Variants in SS18 observed in about 807,000 individuals in gnomAD.
SS18 encodes protein SSXT.
Under a neutral mutation model 72.5 loss-of-function variants are expected in SS18, and 28 were observed. The ratio of observed to expected loss-of-function variants is 0.39; its 90% CI spans 0.29 to 0.53. The LOEUF (loss-of-function observed/expected upper bound fraction) is 0.53. Among genes scored for constraint, SS18 ranks in the 20% least tolerant of loss-of-function variants. The probability of loss-of-function intolerance (pLI) is 0.76; values close to 1 mark genes in which losing one functional copy is unlikely to be tolerated. For synonymous variants in SS18, 172 were observed against 164.2 expected (o/e 1.05, Z -0.37); for missense variants, 518 against 535.3 (o/e 0.97, Z 0.32).
chr18:26,027,670 C>CCAAA (rs2053471348), intron 10 of SS18, among the ~76,000 whole-genome samples: 1 of 31,634 alleles, frequency 3.2e-5, no homozygotes, highest in African/African-American at 1.7e-4. Context: ...CGAGACTCAT[C>CCAAA]TAAAAAAAAA....
chr18:26,083,006 CT>C (rs2054553675), intron 2 of SS18, among the ~76,000 whole-genome samples: 1 of 152,082 alleles, frequency 6.6e-6, no homozygotes, highest in Non-Finnish European at 1.5e-5. Flanking sequence ...TTTGCTTCTC[CT>C]ACAATGAGAA....
At chr18:26,060,934 A>G (rs1219356511) in intron 3 of SS18, among the ~76,000 whole-genome samples, 1 of 142,334 alleles carries the variant, frequency 7.0e-6, no homozygotes, top group Non-Finnish European at 1.5e-5. Flanking sequence ...CCAGCCTGGG[A>G]GACAGAGCAA....
intron 10 of SS18, 34 bp downstream of exon 10, chr18:26,032,365 A>T: frequency 6.2e-7 from 1 of 1,606,434 alleles, no homozygotes; most frequent in Non-Finnish European, 8.5e-7. Flanking sequence ...TGAAGAAACA[A>T]TGTGGCAATT....
At chr18:26,039,545 C>A (rs1160184741) in intron 5 of SS18, 89 bp from the exon 6 acceptor site, 2 of 1,187,154 alleles carry the variant, frequency 1.7e-6, no homozygotes, top group Admixed American at 2.4e-5. Flanking sequence ...ATCATATAGT[C>A]CCAAAAATAT....
intron 3 of SS18, among the ~76,000 whole-genome samples, chr18:26,059,358 T>C (rs1036793384): frequency 2.0e-5 from 3 of 151,994 alleles, no homozygotes; most frequent in African/African-American, 7.3e-5. Flanking sequence ...TGCAGTCCAA[T>C]TGGACTAAGG....
Position 26,035,994 on chromosome 18 carries a change from A to G in SS18, c.881-71T>C. ...GAGTGAAAACCCTAAAAATATTTAA[A>G]CTTTCAGATAAAATTGAAAAAAAAG... On this transcript the variant is annotated intron_variant, in intron 7 of 10. Coordinates refer to ENST00000415083, the MANE Select transcript of SS18 (RefSeq NM_001007559.3). The surrounding 1 kb of genome is among the most constrained non-coding windows in gnomAD (Gnocchi z 4.4). The G allele has an allele frequency of 1.1e-6, 1 of 928,964 alleles. No homozygotes were observed. The highest frequency in any genetic ancestry group is 1.6e-6 in the Non-Finnish European group (1 of 613,114). The allele number at this position is 928,964 out of a possible 1,614,324, so 57.5% of individuals were successfully genotyped here. A position where few individuals can be genotyped will look rare whatever the true frequency, so the allele number is the denominator to read the frequency against.
chr18:26,087,578 C>A lies in SS18; in HGVS notation c.70-1G>T. ...TAAGATGGTTATTGTCATCCAACAT[C>A]TGAAACAGAATTAGAAAAGGTTTAG... On this transcript the variant is annotated splice_acceptor_variant, in intron 1 of 10. Coordinates refer to ENST00000415083, the MANE Select transcript of SS18 (RefSeq NM_001007559.3). LOFTEE classifies it high-confidence loss of function. The A allele has an allele frequency of 6.4e-7, 1 of 1,555,576 alleles. No individual in the cohort carries two copies. The highest frequency in any genetic ancestry group is 8.8e-7 in the Non-Finnish European group (1 of 1,138,030).
upstream of SS18, chr18:26,090,807 C>T: frequency 1.7e-6 from 1 of 580,016 alleles, no homozygotes; most frequent in Non-Finnish European, 3.1e-6. Context: ...ACCGTCCCTG[C>T]ATCCCCCGAG....
intron 10 of SS18, among the ~76,000 whole-genome samples, chr18:26,024,865 G>A (rs1321412402): frequency 1.3e-5 from 2 of 152,006 alleles, no homozygotes; most frequent in Non-Finnish European, 2.9e-5. Flanking sequence ...GGCAGCAATT[G>A]GCAGGCTGGA....
chr18:26,065,800 C>CATATATATATATATATATATATAT (rs58222135), intron 3 of SS18, among the ~76,000 whole-genome samples: 661 of 55,452 alleles, frequency 0.012, 131 homozygotes, highest in Non-Finnish European at 0.02. Context: ...CCTACAAATC[C>CATATATATATATATATATATATAT]ATATATATAT....
At chr18:26,078,044 T>C in intron 3 of SS18, 32 bp downstream of exon 3, 3 of 1,503,738 alleles carry the variant, frequency 2.0e-6, no homozygotes, top group Non-Finnish European at 2.8e-6. Flanking sequence ...CTATAAAGAT[T>C]GTCTACTTCA....
At chr18:26,087,695 G>C in intron 1 of SS18, 118 bp from the exon 2 acceptor site, 1 of 580,116 alleles carries the variant, frequency 1.7e-6, no homozygotes, top group Non-Finnish European at 3.1e-6. Flanking sequence ...ACTCTAAAGC[G>C]TATCCCTTAA....
intron 5 of SS18, among the ~76,000 whole-genome samples, chr18:26,042,091 AG>A (rs2053738733): frequency 6.6e-6 from 1 of 152,208 alleles, no homozygotes; most frequent in Non-Finnish European, 1.5e-5. Context: ...CTGATTGTTT[AG>A]GAAGTATATT....
chr18:26,024,274 T>C (rs1376643649), intron 10 of SS18, among the ~76,000 whole-genome samples: 2 of 152,198 alleles, frequency 1.3e-5, no homozygotes, highest in East Asian at 3.8e-4. Context: ...TGCTAATAGG[T>C]ATACAGTTTA....
chr18:26,053,319 C>G (rs1197860623), intron 4 of SS18, among the ~76,000 whole-genome samples: 2 of 150,486 alleles, frequency 1.3e-5, no homozygotes, highest in African/African-American at 5.0e-5. Context: ...GGATCACTAT[C>G]TCATTTGTTC....
chr18:26,064,846 T>C (rs1294789191), intron 3 of SS18: 1 of 152,030 alleles, frequency 6.6e-6, no homozygotes, highest in Non-Finnish European at 1.5e-5. Flanking sequence ...ATGACATAAT[T>C]AAGTGCATAG....
intron 3 of SS18, among the ~76,000 whole-genome samples, chr18:26,077,652 T>C (rs2054440613): frequency 6.6e-6 from 1 of 152,098 alleles, no homozygotes; most frequent in Non-Finnish European, 1.5e-5. Context: ...CGGATAAAAA[T>C]TGAAAATAAA....
rs562236203 is a variant in SS18 at position 26,017,195 on chromosome 18, T to C, written c.*1159A>G. The C allele has an allele frequency of 9.8e-6, 2 of 204,164 alleles. No individual in the cohort carries two copies. The highest frequency in any genetic ancestry group is 2.0e-5 in the Non-Finnish European group (2 of 99,760). The allele number at this position is 204,164 out of a possible 1,614,324, so 12.6% of individuals were successfully genotyped here. A position where few individuals can be genotyped will look rare whatever the true frequency, so the allele number is the denominator to read the frequency against. On this transcript the variant is annotated 3_prime_UTR_variant, in exon 11 of 11. Transcript: ENST00000415083. ...GCAACCTCGGTGCTTTAAAAACAGA[T>C]AGAATAAACCTCATCAATAAGCATT...
chr18:26,090,402 C>T lies in SS18; in HGVS notation c.69+99G>A, dbSNP rs970207018. ...TGCTGATTCCCAGCAGGCCCGCCTC[C>T]GCCTCGGCCCGGTCGACTCCGGGCC... On this transcript the variant is annotated intron_variant, in intron 1 of 10. Coordinates refer to ENST00000415083, the MANE Select transcript of SS18 (RefSeq NM_001007559.3). 6.4e-6 allele frequency: 8 copies of T among 1,244,322 alleles called. No homozygotes were observed. The East Asian group carries it at 1.8e-4, about 28-fold the overall frequency. 77.1% of individuals were successfully genotyped at this position (1,244,322 alleles called of 1,614,324 possible).
Sources: allele counts gnomAD v4.1 joint callset (sites outside exome capture counted in the v4.1 genomes callset), GRCh38; gene constraint gnomAD v4.1.1; non-coding constraint Gnocchi (gnomAD v3.1); transcripts MANE v1.5; gene names NCBI Gene and HGNC (gene_info 2026-07-23, HGNC 2026-07-21).